The following GRM1 variants were observed in gnomAD, a reference collection of about 807,000 sequenced individuals.
GRM1 encodes the protein metabotropic glutamate receptor 1.
GRM1 carries 33 observed loss-of-function variants against 90.9 expected under a neutral mutation model. The observed-to-expected ratio is 0.36, with a 90% confidence interval of 0.28 to 0.49. GRM1 has a LOEUF of 0.49. GRM1 is among the 20% of genes least tolerant of loss of function. The probability of loss-of-function intolerance (pLI) is 0.99; values close to 1 mark genes in which losing one functional copy is unlikely to be tolerated. For missense variants in GRM1, 1,190 were observed against 1,534.3 expected, an observed-to-expected ratio of 0.78 and a Z score of 3.75; for synonymous variants, 700 against 613.2, an observed-to-expected ratio of 1.14 and a Z score of -2.09.
At chr6:146,145,221 A>G (rs1777042605) in intron 1 of GRM1, among the ~76,000 whole-genome samples, 1 of 152,232 alleles carries the variant, frequency 6.6e-6, no homozygotes, top group African/African-American at 2.4e-5. Flanking sequence ...GTATGTTCAG[A>G]TGAAGAAACC....
intron 5 of GRM1, among the ~76,000 whole-genome samples, chr6:146,372,512 G>T (rs577826630): frequency 6.6e-6 from 1 of 152,002 alleles, no homozygotes; most frequent in Non-Finnish European, 1.5e-5. Flanking sequence ...CTATGCTTGT[G>T]GGGTATTGCT....
intron 2 of GRM1, among the ~76,000 whole-genome samples, chr6:146,198,794 A>G (rs1779206328): frequency 2.0e-5 from 3 of 152,200 alleles, no homozygotes; most frequent in Admixed American, 1.3e-4. Context: ...TGGCAGAAGG[A>G]CCAGGGAAAC....
At position 146,127,321 on chromosome 6, in the gene GRM1, T is replaced by G. The variant is rs140970606; in HGVS notation, c.701-32027T>G. On this transcript the variant is annotated intron_variant, in intron 1 of 7. Coordinates refer to ENST00000282753, the MANE Select transcript of GRM1 (RefSeq NM_001278064.2). ...GGTGATGGCCTCATCAGTGACATAT[T>G]AATAGAGAATGATTGGCAAATATTC... Among the ~76,000 whole-genome samples the G allele has an allele frequency of 5.6e-4, 85 of 152,192 alleles. 1 individual carries two copies. In the East Asian group the frequency reaches 0.013, roughly 24 times the overall value.
intron 7 of GRM1, among the ~76,000 whole-genome samples, chr6:146,410,271 A>T (rs114125981): frequency 0.013 from 1,936 of 152,280 alleles, 46 homozygotes; most frequent in African/African-American, 0.045. Context: ...TTTAAAAAAA[A>T]TACAGAGTCG....
At chr6:146,357,487 T>A (rs1785631545) in intron 4 of GRM1, 39 bp from the exon 5 acceptor site, 2 of 1,524,956 alleles carry the variant, frequency 1.3e-6, no homozygotes, top group Non-Finnish European at 1.8e-6. Flanking sequence ...CTACATTATG[T>A]CTATATTCTA....
intron 1 of GRM1, among the ~76,000 whole-genome samples, chr6:146,138,021 C>T (rs62434315): frequency 6.6e-6 from 1 of 152,042 alleles, no homozygotes; most frequent in Non-Finnish European, 1.5e-5. Context: ...TGCAACTTTA[C>T]TGAATTTCTT....
At chr6:146,241,990 A>G (rs570573726) in intron 2 of GRM1, among the ~76,000 whole-genome samples, 56 of 152,244 alleles carry the variant, frequency 3.7e-4, no homozygotes, top group Admixed American at 3.7e-3. Flanking sequence ...TCTTACAGCA[A>G]TATCAAAAGG....
chr6:146,133,581 C>T (rs1244784790), intron 1 of GRM1, among the ~76,000 whole-genome samples: 1 of 152,150 alleles, frequency 6.6e-6, no homozygotes. Flanking sequence ...ATCTTTTTCC[C>T]TCTCAGGAGT....
chr6:146,315,592 G>A (rs987049634), intron 3 of GRM1, among the ~76,000 whole-genome samples: 1 of 152,162 alleles, frequency 6.6e-6, no homozygotes, highest in Non-Finnish European at 1.5e-5. Flanking sequence ...CATCGGGAAA[G>A]CTTTTACACA....
At chr6:146,097,632 C>G (rs752049428) in intron 1 of GRM1, among the ~76,000 whole-genome samples, 1 of 152,176 alleles carries the variant, frequency 6.6e-6, no homozygotes, top group Non-Finnish European at 1.5e-5. Context: ...TATCTTCCCC[C>G]CCTACATTTT....
At chr6:146,028,373 G>C (rs970889695), upstream of GRM1, among the ~76,000 whole-genome samples, 1 of 151,934 alleles carries the variant, frequency 6.6e-6, no homozygotes, top group Non-Finnish European at 1.5e-5. Flanking sequence ...GGCCCTGCCA[G>C]GGAATGTCTG....
chr6:146,151,552 C>T (rs1255708198), intron 1 of GRM1, among the ~76,000 whole-genome samples: 1 of 152,100 alleles, frequency 6.6e-6, no homozygotes, highest in East Asian at 1.9e-4. Context: ...GATGGCAGTT[C>T]GTACAGGTGA....
chr6:146,207,968 T>C (rs373163864), intron 2 of GRM1, among the ~76,000 whole-genome samples: 2 of 152,154 alleles, frequency 1.3e-5, no homozygotes, highest in African/African-American at 4.8e-5. Context: ...GCTTCTGAGA[T>C]TTTTCCCTCC....
intron 3 of GRM1, among the ~76,000 whole-genome samples, chr6:146,308,909 T>C (rs1009341764): frequency 1.3e-5 from 2 of 152,176 alleles, no homozygotes; most frequent in Admixed American, 6.5e-5. Context: ...CTGCTTAACA[T>C]TTTGCATTCA....
intron 2 of GRM1, among the ~76,000 whole-genome samples, chr6:146,292,179 G>A (rs1441060484): frequency 1.3e-5 from 2 of 151,714 alleles, no homozygotes; most frequent in African/African-American, 4.8e-5. Context: ...AAATATAAGA[G>A]GTGAAACCAT....
At chr6:146,347,908 A>G (rs1785241282) in intron 3 of GRM1, among the ~76,000 whole-genome samples, 1 of 152,220 alleles carries the variant, frequency 6.6e-6, no homozygotes, top group Non-Finnish European at 1.5e-5. Context: ...GTAGCCGTTT[A>G]TAGCCCTTGT....
chr6:146,396,761 G>A (rs1051226224), intron 6 of GRM1, among the ~76,000 whole-genome samples: 30 of 152,094 alleles, frequency 2.0e-4, no homozygotes, highest in African/African-American at 7.2e-4. Flanking sequence ...ATCAAATTGT[G>A]TATCTCTAAA....
chr6:146,350,698 T>C (rs1435253918), intron 3 of GRM1, among the ~76,000 whole-genome samples: 1 of 152,198 alleles, frequency 6.6e-6, no homozygotes. Flanking sequence ...TAAATGAATC[T>C]GCAATTTTTG....
intron 1 of GRM1, among the ~76,000 whole-genome samples, chr6:146,060,238 T>A (rs910431276): frequency 7.2e-5 from 11 of 152,214 alleles, no homozygotes; most frequent in Admixed American, 6.6e-4. Context: ...TATATAGGTT[T>A]CTGTGTTTTT....
Sources: allele counts gnomAD v4.1 joint callset (sites outside exome capture counted in the v4.1 genomes callset), GRCh38; gene constraint gnomAD v4.1.1; transcripts MANE v1.5; gene names NCBI Gene and HGNC (gene_info 2026-07-23, HGNC 2026-07-21).